SLC41A2: variants seen among roughly 807,000 people sequenced by gnomAD.
SLC41A2 encodes SLC41A1-like 1.
In SLC41A2, 32 loss-of-function variants were observed where a neutral mutation model predicts 58.3. The observed-to-expected ratio is 0.55, with a 90% CI of 0.41 to 0.74. SLC41A2 has a LOEUF of 0.74. SLC41A2 is among the 30% of genes least tolerant of loss of function. The pLI is 0.00. For missense variants in SLC41A2, 514 were observed against 680.6 expected (o/e 0.76, Z 2.72); for synonymous variants, 190 against 235.0 (o/e 0.81, Z 1.75).
At chr12:104,823,678 A>G (rs2041729250) in intron 10 of SLC41A2, among the ~76,000 whole-genome samples, 1 of 152,146 alleles carries the variant, frequency 6.6e-6, no homozygotes, top group African/African-American at 2.4e-5. Flanking sequence ...AATCTCTAAA[A>G]CAGAAAGCCC....
chr12:104,818,243 A>G (rs1423267303), intron 10 of SLC41A2, among the ~76,000 whole-genome samples: 1 of 152,212 alleles, frequency 6.6e-6, no homozygotes, highest in Admixed American at 6.5e-5. Context: ...TCAGAACCTG[A>G]AGGATTTTAG....
intron 10 of SLC41A2, among the ~76,000 whole-genome samples, chr12:104,817,454 T>A (rs1197303416): frequency 6.6e-6 from 1 of 152,188 alleles, no homozygotes; most frequent in Admixed American, 6.5e-5. Context: ...CTTTATAAAT[T>A]TTTTAATTGT....
chr12:104,840,476 C>A (rs1411326181), intron 10 of SLC41A2, among the ~76,000 whole-genome samples: 2 of 152,176 alleles, frequency 1.3e-5, no homozygotes, highest in African/African-American at 2.4e-5. Flanking sequence ...AAAGGTATAA[C>A]GGATCAAGAT....
intron 2 of SLC41A2, among the ~76,000 whole-genome samples, chr12:104,927,100 C>T (rs2046873211): frequency 1.3e-5 from 2 of 151,782 alleles, no homozygotes; most frequent in South Asian, 4.2e-4. Flanking sequence ...TTGATAGGGA[C>T]ATGAAAAAAT....
intron 6 of SLC41A2, among the ~76,000 whole-genome samples, chr12:104,873,200 C>CCCG (rs1453927180): frequency 6.6e-6 from 1 of 152,122 alleles, no homozygotes; most frequent in East Asian, 1.9e-4. Context: ...ACCCCCATCC[C>CCCG]CCGTAACTAC....
intron 4 of SLC41A2, among the ~76,000 whole-genome samples, chr12:104,889,848 A>G (rs1374805720): frequency 6.6e-6 from 1 of 152,176 alleles, no homozygotes; most frequent in Non-Finnish European, 1.5e-5. Flanking sequence ...TTTGTGATTT[A>G]AATTAATTAT....
chr12:104,870,179 G>A (rs903980580), intron 6 of SLC41A2, among the ~76,000 whole-genome samples: 8 of 152,114 alleles, frequency 5.3e-5, no homozygotes, highest in African/African-American at 1.9e-4. Flanking sequence ...AGGGAGGCAG[G>A]AGCAGATGTG....
intron 2 of SLC41A2, among the ~76,000 whole-genome samples, chr12:104,910,480 G>C (rs1490645130): frequency 1.3e-5 from 2 of 152,052 alleles, no homozygotes; most frequent in Non-Finnish European, 2.9e-5. Context: ...TCTAGTCTTT[G>C]GAGAAATACC....
intron 3 of SLC41A2, among the ~76,000 whole-genome samples, chr12:104,907,626 T>C (rs1028440830): frequency 5.9e-5 from 9 of 152,210 alleles, no homozygotes; most frequent in African/African-American, 2.2e-4. Flanking sequence ...CTGTTATTTA[T>C]TGGTTTTATA....
Position 104,928,222 on chromosome 12 carries a change from T to TG in SLC41A2, c.305dup (p.Ser103IlefsTer8). The TG allele has an allele frequency of 6.2e-7, 1 of 1,614,216 alleles. No homozygotes were observed. On this transcript the variant is annotated frameshift_variant, in exon 2 of 11. Coordinates refer to ENST00000258538, the MANE Select transcript of SLC41A2 (RefSeq NM_001352171.3). LOFTEE classifies it high-confidence loss of function. ...CATCATACTTTTGGCTGCAGCTTGA[T>TG]GATGCGTGCCCATTATTGGCATGAA...
chr12:104,851,923 TAAAA>T (rs1036106543), intron 8 of SLC41A2: 1 of 151,996 alleles, frequency 6.6e-6, no homozygotes, highest in Non-Finnish European at 1.5e-5. Flanking sequence ...CATTAAAAAA[TAAAA>T]AAATAAACAA....
At chr12:104,958,333 C>T (rs2048255562), upstream of SLC41A2, 1 of 148,500 alleles carries the variant, frequency 6.7e-6, no homozygotes, top group Non-Finnish European at 1.5e-5. Context: ...TCCCCGCCGC[C>T]CCGCCCCCGC....
At chr12:104,899,692 T>C (rs1370753565) in intron 3 of SLC41A2, among the ~76,000 whole-genome samples, 1 of 152,168 alleles carries the variant, frequency 6.6e-6, no homozygotes, top group Admixed American at 6.5e-5. Context: ...TGAGATTTCT[T>C]TATAAGTTTC....
chr12:104,919,684 T>A (rs1279412753), intron 2 of SLC41A2, among the ~76,000 whole-genome samples: 1 of 151,702 alleles, frequency 6.6e-6, no homozygotes, highest in Non-Finnish European at 1.5e-5. Context: ...AATTTTCTAA[T>A]TTTTTTTTAA....
At chr12:104,908,760 GC>G (rs1481945882) in intron 3 of SLC41A2, among the ~76,000 whole-genome samples, 1 of 152,132 alleles carries the variant, frequency 6.6e-6, no homozygotes, top group Admixed American at 6.5e-5. Flanking sequence ...TCTGCTACTG[GC>G]AGTATTTTTT....
chr12:104,835,942 C>T (rs918148580), intron 10 of SLC41A2, among the ~76,000 whole-genome samples: 1 of 152,084 alleles, frequency 6.6e-6, no homozygotes, highest in South Asian at 2.1e-4. Flanking sequence ...CTCCTGGGTT[C>T]TAAGTGATTC....
chr12:104,896,238 G>A (rs947922835), intron 3 of SLC41A2, among the ~76,000 whole-genome samples: 1 of 152,212 alleles, frequency 6.6e-6, no homozygotes, highest in African/African-American at 2.4e-5. Flanking sequence ...AGCAGGTTAA[G>A]TGCTATATAA....
At chr12:104,843,781 T>G (rs2042505109) in intron 10 of SLC41A2, among the ~76,000 whole-genome samples, 1 of 152,174 alleles carries the variant, frequency 6.6e-6, no homozygotes, top group South Asian at 2.1e-4. Context: ...TGAAAATCGC[T>G]GATTTATATC....
chr12:104,895,303 G>T lies in SLC41A2; in HGVS notation c.706C>A (p.Leu236Ile), dbSNP rs1565881542. 1 of 1,613,146 alleles carries T rather than the reference G, an allele frequency of 6.2e-7. No homozygotes were observed. Among genetic ancestry groups the T allele is most frequent in the Non-Finnish European group, 8.5e-7 (1 of 1,179,458 alleles). The stretch of plus-strand genomic sequence containing the variant: ...TTTAAAGCCAAGTTGCCAATTATTA[G>T]GTTCCACTTTTCAATGGGTGAATCC... The part of the protein sequence containing the change: ...KMDSPIEKWN[L>I]IIGNLALKQV... Residue 236 changes from leucine to isoleucine, a missense_variant, in exon 4 of 11, where the codon CTA (leucine) becomes ATA (isoleucine). Coordinates refer to ENST00000258538, the MANE Select transcript of SLC41A2 (RefSeq NM_001352171.3).
Sources: gnomAD v4.1 joint callset for allele counts (sites outside exome capture counted in the v4.1 genomes callset) on GRCh38, gnomAD v4.1.1 for gene constraint, MANE v1.5 for transcripts, NCBI Gene and HGNC (gene_info 2026-07-23, HGNC 2026-07-21) for gene names.